The following ADGRD1 variants were observed in gnomAD, a reference collection of about 807,000 sequenced individuals.
ADGRD1 encodes adhesion G protein-coupled receptor D1.
ADGRD1 carries 77 observed loss-of-function variants against 113.4 expected under a neutral mutation model. The ratio of observed to expected loss-of-function variants is 0.68; its 90% CI spans 0.57 to 0.82. The LOEUF (loss-of-function observed/expected upper bound fraction) is 0.82. ADGRD1 is among the 40% of genes least tolerant of loss of function. The pLI is 0.00. For missense variants in ADGRD1, 1,036 were observed against 1,139.1 expected, an observed-to-expected ratio of 0.91 and a Z score of 1.30; for synonymous variants, 474 against 475.0, an observed-to-expected ratio of 1.00 and a Z score of 0.03.
At chr12:130,968,632 G>A in intron 3 of ADGRD1, 1 of 264,408 alleles carries the variant, frequency 3.8e-6, no homozygotes, top group Non-Finnish European at 7.2e-6. Context: ...TCATCCTTTT[G>A]TTGAGCCTGT....
At chr12:131,091,073 A>G (rs1470720229) in intron 15 of ADGRD1, among the ~76,000 whole-genome samples, 1 of 152,054 alleles carries the variant, frequency 6.6e-6, no homozygotes, top group Non-Finnish European at 1.5e-5. Flanking sequence ...CACCACCCCA[A>G]CTGCTCCACT....
intron 14 of ADGRD1, among the ~76,000 whole-genome samples, chr12:131,080,365 T>A (rs1277388676): frequency 2.0e-5 from 3 of 152,182 alleles, no homozygotes; most frequent in Non-Finnish European, 4.4e-5. Flanking sequence ...TTCTTTTAAA[T>A]TTGTTAAAAG....
chr12:131,012,561 C>G (rs1236793745), intron 12 of ADGRD1, among the ~76,000 whole-genome samples: 1 of 152,186 alleles, frequency 6.6e-6, no homozygotes, highest in Non-Finnish European at 1.5e-5. Flanking sequence ...CTGCGTGCTT[C>G]TTGGAGGCCT....
chr12:131,033,508 G>A (rs572453953), intron 13 of ADGRD1, among the ~76,000 whole-genome samples: 2 of 152,238 alleles, frequency 1.3e-5, no homozygotes, highest in East Asian at 1.9e-4. Context: ...CCCCCTGAAC[G>A]CAGGGAATTC....
intron 21 of ADGRD1, 45 bp from the exon 22 acceptor site, chr12:131,135,992 C>G: frequency 6.2e-7 from 1 of 1,610,776 alleles, no homozygotes; most frequent in Non-Finnish European, 8.5e-7. Flanking sequence ...ACAGCCTGCA[C>G]CTGCCCTCCT....
At position 131,096,868 on chromosome 12, in the gene ADGRD1, C is replaced by T. The variant is rs1157288873; in HGVS notation, c.1672-7963C>T. Among the ~76,000 whole-genome samples, 2 of 152,224 alleles carry T rather than the reference C, an allele frequency of 1.3e-5. No homozygotes were observed. Among genetic ancestry groups the T allele is most frequent in the Admixed American group, 1.3e-4 (2 of 15,290 alleles). ...GATCCACCTGCCTCCTGCTGCCCGG[C>T]TCTGCCTCCCACGGCCGACCACTGT... On this transcript the variant is annotated intron_variant, in intron 15 of 24. Coordinates refer to ENST00000261654, the MANE Select transcript of ADGRD1 (RefSeq NM_198827.5). The surrounding 1 kb of genome is among the most constrained non-coding windows in gnomAD (Gnocchi z 5.2).
At chr12:131,024,928 C>T (rs944901922) in intron 13 of ADGRD1, among the ~76,000 whole-genome samples, 5 of 152,172 alleles carry the variant, frequency 3.3e-5, no homozygotes, top group Admixed American at 2.6e-4. Context: ...GGCTGTGGCC[C>T]GAGGGCAGGG....
intron 13 of ADGRD1, chr12:131,070,736 T>C: frequency 2.0e-6 from 1 of 495,460 alleles, no homozygotes; most frequent in East Asian, 5.5e-5. Flanking sequence ...CACAGCACTA[T>C]CCTGGGCGGA....
chr12:131,063,072 T>C (rs1168244545), intron 13 of ADGRD1, among the ~76,000 whole-genome samples: 1 of 152,228 alleles, frequency 6.6e-6, no homozygotes, highest in African/African-American at 2.4e-5. Context: ...CATTTTCTAA[T>C]TGGATTCTTT....
At chr12:131,117,066 C>A (rs1315515817) in intron 18 of ADGRD1, among the ~76,000 whole-genome samples, 2 of 152,200 alleles carry the variant, frequency 1.3e-5, no homozygotes, top group Middle Eastern at 3.2e-3. Flanking sequence ...GCATACAAAA[C>A]CTCTGCACTT....
At chr12:131,047,479 C>T (rs1457881571) in intron 13 of ADGRD1, among the ~76,000 whole-genome samples, 1 of 152,176 alleles carries the variant, frequency 6.6e-6, no homozygotes, top group East Asian at 1.9e-4. Context: ...AGCCCCCTGT[C>T]GGGAGGAGAG....
rs1328047620 is a variant in ADGRD1 at position 131,027,145 on chromosome 12, A to G, written c.1473+12805A>G. ...TCTTCCCATGGTCATTCCTTGGTGC[A>G]CTGTAGATCCAGGATATTCCTACTC... is the stretch of plus-strand genomic sequence containing the variant. On this transcript the variant is annotated intron_variant, in intron 13 of 24. Coordinates refer to ENST00000261654, the MANE Select transcript of ADGRD1 (RefSeq NM_198827.5). This position sits in a 1 kb window ranked among gnomAD's most constrained non-coding sequence, Gnocchi z 5.1. 6.6e-6 allele frequency: 1 copy of G among 152,164 alleles called. No individual in the cohort carries two copies. The highest frequency in any genetic ancestry group is 1.9e-4 in the East Asian group (1 of 5,196). 9.4% of individuals were successfully genotyped at this position (152,164 alleles called of 1,614,324 possible).
intron 13 of ADGRD1, among the ~76,000 whole-genome samples, chr12:131,021,145 T>A (rs1879265794): frequency 6.6e-6 from 1 of 152,238 alleles, no homozygotes. Context: ...GACATACAGA[T>A]CATTCATCCG....
intron 9 of ADGRD1, among the ~76,000 whole-genome samples, chr12:131,000,983 A>C (rs1200019350): frequency 6.6e-6 from 1 of 152,220 alleles, no homozygotes; most frequent in Non-Finnish European, 1.5e-5. Flanking sequence ...CACGTGTGTC[A>C]GTAATGTGTT....
At chr12:131,039,899 GCTGCCGGCCAGCTGTGCTGGTGGCC>G (rs1300249998) in intron 13 of ADGRD1, among the ~76,000 whole-genome samples, 1 of 152,262 alleles carries the variant, frequency 6.6e-6, no homozygotes, top group African/African-American at 2.4e-5. Flanking sequence ...CTGAGAAGGT[GCTGCCGGCCAGCTGTGCTGGTGGCC>G]CTGCCGGCGG....
At chr12:131,118,524 T>C (rs534201268) in intron 19 of ADGRD1, 73 bp downstream of exon 19, 1 of 1,146,204 alleles carries the variant, frequency 8.7e-7, no homozygotes, top group Non-Finnish European at 1.3e-6. Flanking sequence ...CCCGTGGCTC[T>C]TGCCTTCCTG....
At chr12:131,023,038 C>G (rs935893155) in intron 13 of ADGRD1, 4 of 152,142 alleles carry the variant, frequency 2.6e-5, no homozygotes, top group Non-Finnish European at 4.4e-5. Context: ...AAACCTGTCT[C>G]TCATTATTCT....
chr12:131,117,997 G>A (rs1020509697), intron 18 of ADGRD1, among the ~76,000 whole-genome samples: 5 of 152,192 alleles, frequency 3.3e-5, no homozygotes, highest in African/African-American at 1.2e-4. Flanking sequence ...GATGACTTAA[G>A]CCATTGCCAG....
intron 2 of ADGRD1, among the ~76,000 whole-genome samples, chr12:130,964,796 C>T (rs1870826163): frequency 6.6e-6 from 1 of 152,198 alleles, no homozygotes; most frequent in African/African-American, 2.4e-5. Flanking sequence ...TGTCTATCCG[C>T]GTGTAACAAT....
Sources: gnomAD v4.1 joint callset for allele counts (sites outside exome capture counted in the v4.1 genomes callset) on GRCh38, gnomAD v4.1.1 for gene constraint, Gnocchi (gnomAD v3.1) non-coding constraint, MANE v1.5 for transcripts, NCBI Gene and HGNC (gene_info 2026-07-23, HGNC 2026-07-21) for gene names.